SNX14: variants seen among roughly 807,000 people sequenced by gnomAD.
SNX14 encodes sorting nexin-14.
In SNX14, 93 loss-of-function variants were observed where a neutral mutation model predicts 133.8. The observed-to-expected ratio is 0.70, with a 90% CI of 0.59 to 0.83. SNX14 has a LOEUF of 0.83. Among genes scored for constraint, SNX14 ranks in the 40% least tolerant of loss-of-function variants. The pLI is 0.00. For synonymous variants in SNX14, 368 were observed against 365.6 expected (o/e 1.01, Z -0.07); for missense variants, 945 against 1,094.9 (o/e 0.86, Z 1.93).
intron 6 of SNX14, among the ~76,000 whole-genome samples, chr6:85,563,877 T>C (rs943229240): frequency 1.5e-4 from 23 of 152,148 alleles, no homozygotes; most frequent in African/African-American, 5.6e-4. Flanking sequence ...ACCCGTTAAC[T>C]AGTCATTTAC....
At chr6:85,557,607 A>T (rs942293515) in intron 7 of SNX14, among the ~76,000 whole-genome samples, 1 of 152,206 alleles carries the variant, frequency 6.6e-6, no homozygotes, top group Non-Finnish European at 1.5e-5. Context: ...GTAGAAAGAC[A>T]ACATGAGACT....
chr6:85,530,047 T>C (rs1402854732), intron 19 of SNX14, 145 bp downstream of exon 19: 7 of 516,862 alleles, frequency 1.4e-5, no homozygotes, highest in East Asian at 1.0e-4. Context: ...ACAGTACATT[T>C]CCGTTATCAA....
In SNX14 at chr6:85,558,064, G is replaced by GA; in HGVS notation, c.550-5dup. On this transcript the variant is annotated splice_region_variant and splice_polypyrimidine_tract_variant and intron_variant, in intron 6 of 28. Transcript: ENST00000314673. Reference sequence around the variant, plus strand: ...TTATAATAGATGGAATATCCACCTAGAAAAATTCAAGATTAAAACTTTTAA... The same window carrying GA: ...TTATAATAGATGGAATATCCACCTAGAAAAAATTCAAGATTAAAACTTTTAA... 6.8e-7 allele frequency: 1 copy of GA among 1,460,288 alleles called. No homozygotes were observed. Among genetic ancestry groups the GA allele is most frequent in the Non-Finnish European group, 9.5e-7 (1 of 1,051,928 alleles). The allele number at this position is 1,460,288 out of a possible 1,614,324, so 90.5% of individuals were successfully genotyped here. A position where few individuals can be genotyped will look rare whatever the true frequency, so the allele number is the denominator to read the frequency against.
intron 1 of SNX14, among the ~76,000 whole-genome samples, chr6:85,584,568 C>T (rs557886747): frequency 3.9e-4 from 60 of 152,098 alleles, no homozygotes; most frequent in Non-Finnish European, 7.6e-4. Flanking sequence ...AACAAACAAC[C>T]CCATCAAAAA....
intron 16 of SNX14, among the ~76,000 whole-genome samples, chr6:85,537,949 A>G (rs915922218): frequency 3.9e-5 from 6 of 152,186 alleles, no homozygotes. Flanking sequence ...AAAATAAAAT[A>G]AAGTCACGTT....
At chr6:85,514,018 T>A in intron 25 of SNX14, 52 bp downstream of exon 25, 1 of 1,571,558 alleles carries the variant, frequency 6.4e-7, no homozygotes, top group Middle Eastern at 1.8e-4. Context: ...TAGATTCAAT[T>A]AAAATCATAG....
At chr6:85,593,128 G>A (rs1803428581) in intron 1 of SNX14, among the ~76,000 whole-genome samples, 1 of 152,196 alleles carries the variant, frequency 6.6e-6, no homozygotes, top group Admixed American at 6.5e-5. Context: ...AAAAGCTTCA[G>A]CTGCAAGCTG....
At chr6:85,535,265 T>G (rs911880608) in intron 17 of SNX14, among the ~76,000 whole-genome samples, 1 of 151,820 alleles carries the variant, frequency 6.6e-6, no homozygotes, top group Non-Finnish European at 1.5e-5. Flanking sequence ...TCCTCCTGCC[T>G]CAGTTTCCCA....
chr6:85,575,169 T>C (rs1285066959), intron 1 of SNX14, among the ~76,000 whole-genome samples: 1 of 152,114 alleles, frequency 6.6e-6, no homozygotes, highest in Non-Finnish European at 1.5e-5. Flanking sequence ...AATAATATAG[T>C]GTGATATAAT....
At position 85,565,540 on chromosome 6, in the gene SNX14, A is replaced by T; in HGVS notation, c.462-121T>A. On this transcript the variant is annotated intron_variant, in intron 5 of 28. Transcript: ENST00000314673. ...TAAGCTACTTTCTTTTTTCATTTAC[A>T]AATAATACATTTCATTGCAGAAAAA... is the stretch of plus-strand genomic sequence containing the variant. 4 of 645,210 alleles carry T rather than the reference A, an allele frequency of 6.2e-6. No homozygotes were observed. The South Asian group carries it at 7.9e-5, about 13-fold the overall frequency. The allele number at this position is 645,210 out of a possible 1,614,324, so 40.0% of individuals were successfully genotyped here. A position where few individuals can be genotyped will look rare whatever the true frequency, so the allele number is the denominator to read the frequency against.
intron 6 of SNX14, among the ~76,000 whole-genome samples, chr6:85,558,702 A>T (rs1281664413): frequency 3.9e-5 from 6 of 152,052 alleles, no homozygotes; most frequent in Non-Finnish European, 8.8e-5. Context: ...GGACTCAAGT[A>T]ATCCACCCAC....
At chr6:85,518,092 C>G in intron 21 of SNX14, 44 bp from the exon 22 acceptor site, 1 of 1,480,690 alleles carries the variant, frequency 6.8e-7, no homozygotes. Flanking sequence ...GCATAAAACT[C>G]TTCATAATTG....
intron 6 of SNX14, among the ~76,000 whole-genome samples, chr6:85,562,452 C>T (rs932681029): frequency 4.6e-5 from 7 of 152,010 alleles, no homozygotes; most frequent in African/African-American, 1.2e-4. Context: ...TTGTTCATGG[C>T]CGTGTAGAAT....
At chr6:85,566,317 C>T (rs1258564040) in intron 5 of SNX14, among the ~76,000 whole-genome samples, 4 of 152,084 alleles carry the variant, frequency 2.6e-5, no homozygotes, top group African/African-American at 9.7e-5. Flanking sequence ...ATTTACATAG[C>T]TCTCCAGGAA....
intron 26 of SNX14, 141 bp downstream of exon 26, chr6:85,513,659 T>G: frequency 1.6e-6 from 1 of 613,390 alleles, no homozygotes; most frequent in Non-Finnish European, 2.8e-6. Context: ...ATTTAACTAG[T>G]GTGTTAATTT....
rs769054888 is a variant in SNX14 at position 85,572,090 on chromosome 6, A to G, written c.417+47T>C. The G allele has an allele frequency of 1.9e-5, 28 of 1,507,822 alleles. No individual in the cohort carries two copies. In the Admixed American group the frequency reaches 5.0e-4, roughly 27 times the overall value. 93.4% of individuals were successfully genotyped at this position (1,507,822 alleles called of 1,614,324 possible). On this transcript the variant is annotated intron_variant, in intron 4 of 28. Coordinates refer to ENST00000314673, the MANE Select transcript of SNX14 (RefSeq NM_153816.6). ...ATTAAAAATTCTGGAAAATTTTTCC[A>G]CAGGCATTTAACATTTTCTGTTAAT...
At chr6:85,547,424 CA>C in intron 10 of SNX14, 27 bp from the exon 11 acceptor site, 1 of 1,608,574 alleles carries the variant, frequency 6.2e-7, no homozygotes, top group African/African-American at 1.3e-5. Flanking sequence ...ATTATTAACT[CA>C]GTAAAATTCC....
rs41271629 is a variant in SNX14 at position 85,547,511 on chromosome 6, T to G, written c.907A>C (p.Ser303Arg). Residue 303 changes from serine to arginine, a missense_variant, in exon 10 of 29, where the codon AGT (serine) becomes CGT (arginine). Physicochemically the swap from Ser to Arg is moderately radical, Grantham distance 110. Around this residue, in one of 3 missense-constraint regions of SNX14, gnomAD observed 514 missense variants for 538.8 expected, o/e 0.95. Coordinates refer to ENST00000314673, the MANE Select transcript of SNX14 (RefSeq NM_153816.6). ...NHLLIIFIDDSPPEKATEPAS... is the reference protein window; with the variant it reads ...NHLLIIFIDDRPPEKATEPAS... ...CTAATATATTCAATACTCACTGGACTGTCATCTATGAAGATGATAAGCAAA... is the reference window on the plus strand; with the variant it reads ...CTAATATATTCAATACTCACTGGACGGTCATCTATGAAGATGATAAGCAAA... 0.025 allele frequency: 39,797 copies of G among 1,603,164 alleles called. 575 individuals are homozygous for G. Among genetic ancestry groups the G allele is most frequent in the Non-Finnish European group, 0.028 (33,413 of 1,176,474 alleles).
At chr6:85,578,917 C>T (rs1798150770) in intron 1 of SNX14, among the ~76,000 whole-genome samples, 1 of 152,062 alleles carries the variant, frequency 6.6e-6, no homozygotes, top group African/African-American at 2.4e-5. Context: ...GGGCGGATCA[C>T]CTGAGCTCAG....
Sources: allele counts gnomAD v4.1 joint callset (sites outside exome capture counted in the v4.1 genomes callset), GRCh38; gene constraint gnomAD v4.1.1; regional missense constraint gnomAD v4.1.1; transcripts MANE v1.5; gene names NCBI Gene and HGNC (gene_info 2026-07-23, HGNC 2026-07-21).